DHRSX: variants seen among roughly 807,000 people sequenced by gnomAD.
DHRSX encodes dehydrogenase/reductase X-linked.
In DHRSX, 31 loss-of-function variants were observed where a neutral mutation model predicts 34.0. The observed-to-expected ratio is 0.91, with a 90% CI of 0.69 to 1.23. The LOEUF is 1.23. DHRSX is among the 50% of genes most tolerant of loss of function. The pLI, the probability that DHRSX is intolerant of heterozygous loss-of-function variation, is 0.00. For synonymous variants in DHRSX, 201 were observed against 183.8 expected (o/e 1.09, Z -0.76); for missense variants, 414 against 428.1 (o/e 0.97, Z 0.29).
chrX:2,344,632 CA>C (rs1374359105), intron 3 of DHRSX, among the ~76,000 whole-genome samples: 1 of 151,894 alleles, frequency 6.6e-6, no homozygotes, highest in Non-Finnish European at 1.5e-5. Flanking sequence ...GCAAACACCA[CA>C]TGTTCTCACT....
chrX:2,289,835 G>A (rs187893319), intron 4 of DHRSX, among the ~76,000 whole-genome samples: 275 of 152,294 alleles, frequency 1.8e-3, no homozygotes, highest in African/African-American at 5.8e-3. Context: ...ATCCCACCAG[G>A]ATGGCAAATC....
At chrX:2,427,656 T>TG (rs967968440) in intron 1 of DHRSX, among the ~76,000 whole-genome samples, 1 of 152,060 alleles carries the variant, frequency 6.6e-6, no homozygotes, top group Non-Finnish European at 1.5e-5. Context: ...CTCCTTGTAC[T>TG]GGGGGCTGAG....
At chrX:2,438,004 T>C (rs2044015564) in intron 1 of DHRSX, among the ~76,000 whole-genome samples, 1 of 54,712 alleles carries the variant, frequency 1.8e-5, no homozygotes. Flanking sequence ...TGGATAACCA[T>C]GGGGAAAAAA....
At chrX:2,325,248 G>C (rs986253082) in intron 3 of DHRSX, among the ~76,000 whole-genome samples, 2 of 151,896 alleles carry the variant, frequency 1.3e-5, no homozygotes, top group Non-Finnish European at 2.9e-5. Context: ...AGGAACTAAC[G>C]ACTAGACACG....
chrX:2,229,125 G>C (rs898055356), intron 6 of DHRSX, among the ~76,000 whole-genome samples: 1 of 152,176 alleles, frequency 6.6e-6, no homozygotes, highest in African/African-American at 2.4e-5. Flanking sequence ...CTTGAGTTGT[G>C]CTGAGAGAGA....
intron 6 of DHRSX, among the ~76,000 whole-genome samples, chrX:2,238,878 C>A (rs994686742): frequency 6.6e-6 from 1 of 152,014 alleles, no homozygotes; most frequent in Non-Finnish European, 1.5e-5. Context: ...AGACACGGCA[C>A]CCAGCTGATC....
At chrX:2,276,683 C>G (rs1043218732) in intron 4 of DHRSX, among the ~76,000 whole-genome samples, 1 of 150,144 alleles carries the variant, frequency 6.7e-6, no homozygotes, top group Non-Finnish European at 1.5e-5. Context: ...TCTCCGCTCT[C>G]CAAGCGGAGA....
intron 3 of DHRSX, among the ~76,000 whole-genome samples, chrX:2,338,299 C>T (rs963351130): frequency 4.9e-4 from 74 of 151,658 alleles, no homozygotes; most frequent in Non-Finnish European, 9.6e-4. Flanking sequence ...TGCCATTGCA[C>T]TCCAGCCTGT....
intron 5 of DHRSX, among the ~76,000 whole-genome samples, chrX:2,262,802 C>T (rs1329908391): frequency 1.3e-5 from 2 of 149,126 alleles, no homozygotes; most frequent in African/African-American, 5.0e-5. Flanking sequence ...ATGCAGGATC[C>T]CATCGAGGCC....
intron 1 of DHRSX, among the ~76,000 whole-genome samples, chrX:2,453,633 T>C (rs866856535): frequency 6.6e-6 from 1 of 152,108 alleles, no homozygotes; most frequent in Non-Finnish European, 1.5e-5. Context: ...AACATGATGC[T>C]GTACTCCAGC....
intron 3 of DHRSX, among the ~76,000 whole-genome samples, chrX:2,387,749 C>T (rs771191293): frequency 6.6e-5 from 10 of 151,920 alleles, no homozygotes; most frequent in Admixed American, 4.6e-4. Context: ...TATTAATCAT[C>T]GCAGAACCCA....
intron 3 of DHRSX, among the ~76,000 whole-genome samples, chrX:2,319,222 C>G (rs781428066): frequency 7.3e-6 from 1 of 136,424 alleles, no homozygotes; most frequent in South Asian, 2.9e-4. Context: ...CTCCTCCCCC[C>G]CTCCCTTCTC....
chrX:2,412,106 C>G (rs1264309411), intron 2 of DHRSX, among the ~76,000 whole-genome samples: 1 of 152,210 alleles, frequency 6.6e-6, no homozygotes, highest in Non-Finnish European at 1.5e-5. Flanking sequence ...TGGAGTGGTT[C>G]CTACATTTGC....
At chrX:2,364,861 T>C (rs2042979153) in intron 3 of DHRSX, among the ~76,000 whole-genome samples, 1 of 152,206 alleles carries the variant, frequency 6.6e-6, no homozygotes, top group Non-Finnish European at 1.5e-5. Flanking sequence ...CTATCATTGA[T>C]CACAATCTAT....
At chrX:2,294,876 G>A (rs2124495362) in intron 3 of DHRSX, among the ~76,000 whole-genome samples, 1 of 152,166 alleles carries the variant, frequency 6.6e-6, no homozygotes, top group African/African-American at 2.4e-5. Flanking sequence ...AGAATGAAAT[G>A]AGAGAAAGTG....
chrX:2,344,294 A>C (rs1462881223), intron 3 of DHRSX, among the ~76,000 whole-genome samples: 2 of 152,212 alleles, frequency 1.3e-5, no homozygotes, highest in Non-Finnish European at 2.9e-5. Context: ...AACCACAATG[A>C]AATACCAACT....
At chrX:2,277,426 AAG>A (rs755789393) in intron 4 of DHRSX, among the ~76,000 whole-genome samples, 2 of 62,018 alleles carry the variant, frequency 3.2e-5, no homozygotes, top group East Asian at 4.9e-4. Flanking sequence ...AAATAGGGGA[AAG>A]AGAGAGAAAG....
At chrX:2,353,884 T>A (rs973970192) in intron 3 of DHRSX, among the ~76,000 whole-genome samples, 5 of 151,950 alleles carry the variant, frequency 3.3e-5, no homozygotes, top group Admixed American at 2.6e-4. Flanking sequence ...ACACGTGGTT[T>A]TTAAGGGCCA....
Position 2,463,950 on chromosome X carries a change from G to A in DHRSX, c.109+36867C>T, listed in dbSNP as rs28540157. 4.7e-3 allele frequency among the ~76,000 whole-genome samples: 719 copies of A among 151,964 alleles called. 2 individuals are homozygous for A. Among genetic ancestry groups the A allele is most frequent in the African/African-American group, 0.016 (669 of 41,438 alleles). The stretch of plus-strand genomic sequence containing the variant: ...GCCACTGTATGCACTGAAGACGTTC[G>A]GAAAGCATGTGGCCAAAGGACCACT... On this transcript the variant is annotated intron_variant, in intron 1 of 6. Transcript: ENST00000334651.
Sources: allele counts gnomAD v4.1 joint callset (sites outside exome capture counted in the v4.1 genomes callset), GRCh38; gene constraint gnomAD v4.1.1; transcripts MANE v1.5; gene names NCBI Gene and HGNC (gene_info 2026-07-23, HGNC 2026-07-21).